BEAN1: variants seen among roughly 807,000 people sequenced by gnomAD.
BEAN1 encodes protein BEAN1.
BEAN1 carries 17 observed loss-of-function variants against 17.7 expected under a neutral mutation model. That is an observed-to-expected ratio of 0.96 (90% CI 0.66 to 1.44). The LOEUF is 1.44. BEAN1 is among the 40% of genes most tolerant of loss of function. The pLI is 0.00. For synonymous variants in BEAN1, 142 were observed against 151.8 expected, an observed-to-expected ratio of 0.94 and a Z score of 0.47; for missense variants, 359 against 374.1, an observed-to-expected ratio of 0.96 and a Z score of 0.33.
At chr16:66,477,530 AG>A in intron 3 of BEAN1, 29 bp from the exon 4 acceptor site, 1 of 1,504,174 alleles carries the variant, frequency 6.6e-7, no homozygotes. Flanking sequence ...TCCTGGTCTG[AG>A]GCCCAGGCCG....
At chr16:66,458,317 A>G (rs776549012) in intron 2 of BEAN1, among the ~76,000 whole-genome samples, 1 of 152,102 alleles carries the variant, frequency 6.6e-6, no homozygotes, top group Non-Finnish European at 1.5e-5. Flanking sequence ...GGTCTGCCTC[A>G]GTTTCCCTGC....
intron 3 of BEAN1, chr16:66,476,495 C>T (rs1442750844): frequency 6.6e-6 from 1 of 152,424 alleles, no homozygotes; most frequent in South Asian, 2.1e-4. Context: ...CCCCTGATGC[C>T]AAGCCCCACC....
At chr16:66,483,166 A>G (rs1044910000), downstream of BEAN1, 15 of 238,604 alleles carry the variant, frequency 6.3e-5, 1 homozygote, top group Admixed American at 7.8e-4. Flanking sequence ...AGGAAACACT[A>G]AATAGCAACA....
At chr16:66,490,918 C>T (rs1240171636) in intron 4 of BEAN1, among the ~76,000 whole-genome samples, 3 of 152,234 alleles carry the variant, frequency 2.0e-5, no homozygotes, top group Non-Finnish European at 4.4e-5. Flanking sequence ...CAACTTCCTC[C>T]TTTGCTTCCA....
chr16:66,470,051 C>A, intron 3 of BEAN1, 186 bp downstream of exon 3: 1 of 785,994 alleles, frequency 1.3e-6, no homozygotes, highest in Non-Finnish European at 2.0e-6. Flanking sequence ...ACATGAGAGG[C>A]CCGGATGACT....
chr16:66,493,713 C>T (rs761909661), downstream of BEAN1, among the ~76,000 whole-genome samples: 4 of 152,160 alleles, frequency 2.6e-5, no homozygotes, highest in Non-Finnish European at 5.9e-5. Flanking sequence ...TGCCCGACAC[C>T]AGGTCCCCAA....
chr16:66,478,342 G>A (rs368347769), intron 4 of BEAN1, among the ~76,000 whole-genome samples: 22 of 152,306 alleles, frequency 1.4e-4, no homozygotes, highest in African/African-American at 3.4e-4. Flanking sequence ...GGGGGCTCAC[G>A]CCTGTAATCC....
downstream of BEAN1, among the ~76,000 whole-genome samples, chr16:66,493,884 C>T (rs1387104584): frequency 6.6e-6 from 1 of 152,242 alleles, no homozygotes; most frequent in East Asian, 1.9e-4. Flanking sequence ...ATCCTAGAGG[C>T]ATCCCACGCC....
rs1961920408 is a variant in BEAN1 at position 66,434,207 on chromosome 16, C to T, written c.-82-3388C>T. ...GGCCTAGCAGCTGGGGTGGGCCTGC[C>T]CCCGACCCCGACCCCAACCCCGACC... On this transcript the variant is annotated intron_variant, in intron 1 of 4. Coordinates refer to ENST00000536005, the MANE Select transcript of BEAN1 (RefSeq NM_001178020.3). The surrounding 1 kb of genome is among the most constrained non-coding windows in gnomAD (Gnocchi z 4.3). Among the ~76,000 whole-genome samples the T allele has an allele frequency of 6.6e-6, 1 of 150,736 alleles. No individual in the cohort carries two copies. Among genetic ancestry groups the T allele is most frequent in the Non-Finnish European group, 1.5e-5 (1 of 67,672 alleles).
chr16:66,456,708 T>A (rs1962881122), intron 2 of BEAN1, among the ~76,000 whole-genome samples: 1 of 152,230 alleles, frequency 6.6e-6, no homozygotes, highest in Non-Finnish European at 1.5e-5. Flanking sequence ...AAGTAATTTG[T>A]GAAATTGTTT....
chr16:66,472,755 C>T (rs72788596), intron 3 of BEAN1, among the ~76,000 whole-genome samples: 1,706 of 151,940 alleles, frequency 0.011, 21 homozygotes, highest in African/African-American at 0.021. Flanking sequence ...TGCCATGGCT[C>T]ACACCTGTAA....
chr16:66,461,963 A>G (rs1012120828), intron 2 of BEAN1, among the ~76,000 whole-genome samples: 7 of 152,206 alleles, frequency 4.6e-5, no homozygotes, highest in Non-Finnish European at 1.0e-4. Context: ...GTGGTAGCCA[A>G]AAGCTCCATT....
intron 2 of BEAN1, among the ~76,000 whole-genome samples, chr16:66,460,021 C>T (rs557165702): frequency 4.6e-5 from 7 of 152,222 alleles, no homozygotes; most frequent in Non-Finnish European, 1.0e-4. Flanking sequence ...ACACCGTGCA[C>T]ACCAAGCAAC....
intron 2 of BEAN1, among the ~76,000 whole-genome samples, chr16:66,447,131 A>G (rs1016349894): frequency 6.6e-6 from 1 of 152,128 alleles, no homozygotes; most frequent in Non-Finnish European, 1.5e-5. Context: ...TTAGCTGAGC[A>G]TGGTGGCACA....
chr16:66,456,153 C>A (rs1457076784), intron 2 of BEAN1, among the ~76,000 whole-genome samples: 1 of 152,210 alleles, frequency 6.6e-6, no homozygotes, highest in South Asian at 2.1e-4. Flanking sequence ...CTTTACTGTG[C>A]AGAGCAGCCT....
chr16:66,440,082 G>C (rs1418600145), intron 2 of BEAN1, among the ~76,000 whole-genome samples: 1 of 150,516 alleles, frequency 6.6e-6, no homozygotes, highest in Non-Finnish European at 1.5e-5. Flanking sequence ...ACCATTCCAT[G>C]GTTTCCATTT....
At chr16:66,492,229 AC>A (rs1480080777) in intron 4 of BEAN1, among the ~76,000 whole-genome samples, 3 of 151,446 alleles carry the variant, frequency 2.0e-5, no homozygotes, top group African/African-American at 7.3e-5. Flanking sequence ...TTTAGTAGAG[AC>A]GGGGTTTCAC....
At chr16:66,461,793 G>T (rs1312629083) in intron 2 of BEAN1, among the ~76,000 whole-genome samples, 1 of 152,134 alleles carries the variant, frequency 6.6e-6, no homozygotes, top group Non-Finnish European at 1.5e-5. Flanking sequence ...TCTACAGAGT[G>T]TGAACCCCTC....
intron 3 of BEAN1, chr16:66,475,989 A>G (rs1034790414): frequency 1.3e-5 from 2 of 152,108 alleles, no homozygotes; most frequent in African/African-American, 4.8e-5. Flanking sequence ...GGGTGCCTGT[A>G]GTCCCAGCTA....
Sources: gnomAD v4.1 joint callset for allele counts (sites outside exome capture counted in the v4.1 genomes callset) on GRCh38, gnomAD v4.1.1 for gene constraint, Gnocchi (gnomAD v3.1) non-coding constraint, MANE v1.5 for transcripts, NCBI Gene and HGNC (gene_info 2026-07-23, HGNC 2026-07-21) for gene names.